GALNT7: variants seen among roughly 807,000 people sequenced by gnomAD.
The protein encoded by GALNT7 is polypeptide N-acetylgalactosaminyltransferase 7.
In GALNT7, 60 loss-of-function variants were observed where a neutral mutation model predicts 82.1. The ratio of observed to expected loss-of-function variants is 0.73; its 90% confidence interval spans 0.59 to 0.91. The LOEUF is 0.91. Among genes scored for constraint, GALNT7 ranks in the 40% least tolerant of loss-of-function variants. The pLI is 0.00. For missense variants in GALNT7, 660 were observed against 804.2 expected, an observed-to-expected ratio of 0.82 and a Z score of 2.17; for synonymous variants, 243 against 275.1, an observed-to-expected ratio of 0.88 and a Z score of 1.15.
At chr4:173,193,418 A>G (rs1436216195) in intron 1 of GALNT7, among the ~76,000 whole-genome samples, 2 of 152,300 alleles carry the variant, frequency 1.3e-5, no homozygotes, top group Non-Finnish European at 2.9e-5. Context: ...CAGGACCCTC[A>G]AATCACATAC....
chr4:173,213,393 C>A (rs1733345015), intron 1 of GALNT7, among the ~76,000 whole-genome samples: 1 of 151,874 alleles, frequency 6.6e-6, no homozygotes, highest in South Asian at 2.1e-4. Flanking sequence ...CAGGTTTAAG[C>A]AATTGCCATT....
intron 11 of GALNT7, 91 bp from the exon 12 acceptor site, chr4:173,321,489 A>G: frequency 4.6e-6 from 4 of 865,960 alleles, no homozygotes; most frequent in Non-Finnish European, 7.6e-6. Flanking sequence ...ATTTCCTTAA[A>G]CTGTCTCCTC....
At chr4:173,208,930 G>T (rs1467123329) in intron 1 of GALNT7, among the ~76,000 whole-genome samples, 1 of 152,054 alleles carries the variant, frequency 6.6e-6, no homozygotes. Context: ...TAGTACTTTT[G>T]TGAATTACTT....
chr4:173,179,704 A>G (rs1218155211), intron 1 of GALNT7, among the ~76,000 whole-genome samples: 1 of 152,202 alleles, frequency 6.6e-6, no homozygotes, highest in African/African-American at 2.4e-5. Flanking sequence ...TAGAGAAGTG[A>G]TATCATGACA....
chr4:173,188,951 C>CGGA (rs1732538079), intron 1 of GALNT7, among the ~76,000 whole-genome samples: 2 of 152,206 alleles, frequency 1.3e-5, no homozygotes, highest in South Asian at 4.1e-4. Flanking sequence ...TGCTGAGTAG[C>CGGA]CCCTGGCCTT....
At chr4:173,288,187 G>C (rs1345579423) in intron 2 of GALNT7, among the ~76,000 whole-genome samples, 1 of 149,160 alleles carries the variant, frequency 6.7e-6, no homozygotes, top group Admixed American at 6.6e-5. Context: ...GGAGGCTGAG[G>C]CAGGAGAATG....
intron 8 of GALNT7, among the ~76,000 whole-genome samples, chr4:173,312,727 A>G (rs1292893571): frequency 6.6e-6 from 1 of 152,250 alleles, no homozygotes; most frequent in African/African-American, 2.4e-5. Flanking sequence ...TCACAGTGTC[A>G]GCATATTTTA....
intron 2 of GALNT7, among the ~76,000 whole-genome samples, chr4:173,271,494 C>T (rs1472777055): frequency 6.6e-6 from 1 of 152,076 alleles, no homozygotes; most frequent in Non-Finnish European, 1.5e-5. Flanking sequence ...TGCTCTGTTG[C>T]CCAGGCTGGA....
intron 1 of GALNT7, among the ~76,000 whole-genome samples, chr4:173,187,011 C>T (rs944466521): frequency 6.6e-5 from 10 of 152,100 alleles, no homozygotes; most frequent in African/African-American, 2.2e-4. Context: ...CCGCCTCGGC[C>T]GCCCAAAGTG....
At chr4:173,202,901 T>C (rs766904150) in intron 1 of GALNT7, among the ~76,000 whole-genome samples, 6 of 152,208 alleles carry the variant, frequency 3.9e-5, no homozygotes, top group Non-Finnish European at 8.8e-5. Flanking sequence ...CTGTATCCTA[T>C]ACTACTATAT....
At chr4:173,251,924 A>G (rs1734861755) in intron 2 of GALNT7, among the ~76,000 whole-genome samples, 1 of 152,210 alleles carries the variant, frequency 6.6e-6, no homozygotes, top group South Asian at 2.1e-4. Flanking sequence ...ACTTTTTTAA[A>G]CTGAATCCAA....
intron 1 of GALNT7, among the ~76,000 whole-genome samples, chr4:173,212,579 T>A (rs1007275186): frequency 6.6e-6 from 1 of 151,400 alleles, no homozygotes; most frequent in South Asian, 2.1e-4. Flanking sequence ...CACATAGAGA[T>A]TCCCTTCCAG....
chr4:173,280,750 CTACACCAG>C (rs1736082136), intron 2 of GALNT7, among the ~76,000 whole-genome samples: 1 of 152,156 alleles, frequency 6.6e-6, no homozygotes, highest in Non-Finnish European at 1.5e-5. Context: ...ATTACAAATT[CTACACCAG>C]TAAAGTGAGA....
chr4:173,202,526 A>T lies in GALNT7; in HGVS notation c.126+33565A>T, dbSNP rs375507972. Among the ~76,000 whole-genome samples the T allele has an allele frequency of 1.8e-4, 27 of 151,884 alleles. No individual in the cohort carries two copies. In the East Asian group the frequency reaches 4.5e-3, roughly 25 times the overall value. Reference sequence around the variant, plus strand: ...TGCCTTTTCTTAGATAACCCTCTTCACTCTTTTCTGTCTCCTCAATCCTTA... The same window carrying T: ...TGCCTTTTCTTAGATAACCCTCTTCTCTCTTTTCTGTCTCCTCAATCCTTA... On this transcript the variant is annotated intron_variant, in intron 1 of 11. Transcript: ENST00000265000.
At chr4:173,198,211 C>T (rs568587891) in intron 1 of GALNT7, among the ~76,000 whole-genome samples, 1 of 149,588 alleles carries the variant, frequency 6.7e-6, no homozygotes, top group African/African-American at 2.5e-5. Context: ...AGGTGCCCGC[C>T]ACCATGCCTG....
chr4:173,299,373 A>G (rs1209578871), intron 6 of GALNT7, among the ~76,000 whole-genome samples: 1 of 152,228 alleles, frequency 6.6e-6, no homozygotes, highest in Admixed American at 6.5e-5. Flanking sequence ...TGTGGGAGAA[A>G]AAAAATAAAG....
At chr4:173,264,020 A>G (rs775946163) in intron 2 of GALNT7, among the ~76,000 whole-genome samples, 10 of 152,178 alleles carry the variant, frequency 6.6e-5, no homozygotes, top group African/African-American at 1.7e-4. Flanking sequence ...ACTTTTATCA[A>G]TAAGTAGTGA....
intron 1 of GALNT7, among the ~76,000 whole-genome samples, chr4:173,217,940 A>G (rs984287230): frequency 2.0e-5 from 3 of 152,232 alleles, no homozygotes; most frequent in South Asian, 2.1e-4. Context: ...AAGGGTACTG[A>G]CAATTGTTTA....
intron 1 of GALNT7, chr4:173,169,705 C>G (rs1300378547): frequency 6.6e-6 from 1 of 151,814 alleles, no homozygotes; most frequent in Non-Finnish European, 1.5e-5. Context: ...GAGGGGCGTC[C>G]CCGCCCCGCC....
Sources: allele counts gnomAD v4.1 joint callset (sites outside exome capture counted in the v4.1 genomes callset), GRCh38; gene constraint gnomAD v4.1.1; transcripts MANE v1.5; gene names NCBI Gene and HGNC (gene_info 2026-07-23, HGNC 2026-07-21).